Variants in PDCD6IP observed in about 807,000 individuals in gnomAD.
PDCD6IP encodes programmed cell death 6-interacting protein.
PDCD6IP carries 43 observed loss-of-function variants against 103.7 expected under a neutral mutation model. The observed-to-expected ratio is 0.41, with a 90% CI of 0.32 to 0.53. The LOEUF (loss-of-function observed/expected upper bound fraction) is 0.53, where lower values mean the gene tolerates loss of function less well. Ranked by LOEUF, PDCD6IP falls within the 20% of genes least tolerant of loss-of-function variation. PDCD6IP has a pLI of 0.16. For synonymous variants in PDCD6IP, 354 were observed against 378.7 expected, an observed-to-expected ratio of 0.93 and a Z score of 0.76; for missense variants, 871 against 1,036.7, an observed-to-expected ratio of 0.84 and a Z score of 2.20.
intron 3 of PDCD6IP, among the ~76,000 whole-genome samples, chr3:33,821,295 C>A (rs1184711699): frequency 6.6e-6 from 1 of 152,008 alleles, no homozygotes; most frequent in Admixed American, 6.6e-5. Context: ...CAGGAGTGAG[C>A]CACCATGCCC....
intron 12 of PDCD6IP, among the ~76,000 whole-genome samples, chr3:33,850,880 C>G (rs4679092): frequency 0.27 from 40,252 of 151,838 alleles, 5,650 homozygotes; most frequent in East Asian, 0.39. Context: ...GTACCCTCTT[C>G]TTTCCCTCCC....
intron 9 of PDCD6IP, among the ~76,000 whole-genome samples, chr3:33,839,820 C>G (rs2125564923): frequency 6.6e-6 from 1 of 152,330 alleles, no homozygotes; most frequent in Middle Eastern, 3.4e-3. Flanking sequence ...CAGAATCTCA[C>G]TGTGATTTAG....
chr3:33,827,248 GA>G (rs1457783029), intron 6 of PDCD6IP: 1 of 951,698 alleles, frequency 1.1e-6, no homozygotes, highest in East Asian at 1.2e-4. Flanking sequence ...GATTAATAAA[GA>G]AAACTTAAAG....
At chr3:33,822,795 A>G (rs752928313) in intron 4 of PDCD6IP, among the ~76,000 whole-genome samples, 3 of 152,120 alleles carry the variant, frequency 2.0e-5, no homozygotes, top group Non-Finnish European at 2.9e-5. Context: ...AGCTAGGACT[A>G]TAGGCATCCG....
rs141175363 is a variant in PDCD6IP at position 33,831,845 on chromosome 3, G to A, written c.834+2876G>A. Among the ~76,000 whole-genome samples, 246 of 151,990 alleles carry A rather than the reference G, an allele frequency of 1.6e-3. 1 individual carries two copies. Among genetic ancestry groups the A allele is most frequent in the African/African-American group, 5.4e-3 (223 of 41,454 alleles). On this transcript the variant is annotated intron_variant, in intron 7 of 17. Transcript: ENST00000307296. Reference sequence around the variant, plus strand: ...GTATGCTATTAATATATACAGTGTTGTGTACCTTCTTTTCTCATATAACAA... The same window carrying A: ...GTATGCTATTAATATATACAGTGTTATGTACCTTCTTTTCTCATATAACAA...
At chr3:33,825,114 G>T (rs1697087302) in intron 4 of PDCD6IP, 73 bp from the exon 5 acceptor site, 2 of 1,290,800 alleles carry the variant, frequency 1.5e-6, no homozygotes, top group South Asian at 2.6e-5. Context: ...CATTTGAAAT[G>T]ACTTTTATAT....
chr3:33,867,715 TGA>T lies in PDCD6IP; in HGVS notation c.*1193_*1194del. On this transcript the variant is annotated 3_prime_UTR_variant, in exon 18 of 18. Transcript: ENST00000307296. ...AGACATGCATCATGGAATGAGAAAA[TGA>T]GAAAGGAATGAGTTGTCTAACATCA... 1 of 152,144 alleles carries T rather than the reference TGA, an allele frequency of 6.6e-6. No homozygotes were observed. Among genetic ancestry groups the T allele is most frequent in the East Asian group, 1.9e-4 (1 of 5,194 alleles). 9.4% of individuals were successfully genotyped at this position (152,144 alleles called of 1,614,324 possible). A position where few individuals can be genotyped will look rare whatever the true frequency, so the allele number is the denominator to read the frequency against.
chr3:33,850,634 G>A (rs1412822411), intron 12 of PDCD6IP, among the ~76,000 whole-genome samples: 2 of 152,038 alleles, frequency 1.3e-5, no homozygotes, highest in Admixed American at 6.5e-5. Flanking sequence ...GCAGCATACT[G>A]TATATGCTTT....
chr3:33,841,283 C>T (rs576639268), intron 9 of PDCD6IP, among the ~76,000 whole-genome samples: 2 of 151,900 alleles, frequency 1.3e-5, no homozygotes, highest in Non-Finnish European at 2.9e-5. Context: ...CCGTCTGGGC[C>T]TCCCAAAGTG....
chr3:33,831,431 G>A (rs1697242620), intron 7 of PDCD6IP, among the ~76,000 whole-genome samples: 1 of 152,060 alleles, frequency 6.6e-6, no homozygotes, highest in African/African-American at 2.4e-5. Flanking sequence ...GATGTGTTTA[G>A]GGATGAGGGC....
At chr3:33,823,787 T>TAAATA (rs1358525702) in intron 4 of PDCD6IP, among the ~76,000 whole-genome samples, 1 of 152,074 alleles carries the variant, frequency 6.6e-6, no homozygotes, top group Non-Finnish European at 1.5e-5. Context: ...TGTCTCAAAA[T>TAAATA]AAATAAAATA....
chr3:33,824,732 A>C (rs1485646426), intron 4 of PDCD6IP, among the ~76,000 whole-genome samples: 2 of 152,264 alleles, frequency 1.3e-5, no homozygotes, highest in African/African-American at 4.8e-5. Context: ...GGCAATGGGT[A>C]GTAATGCTGT....
At chr3:33,824,369 T>G (rs1697063965) in intron 4 of PDCD6IP, among the ~76,000 whole-genome samples, 1 of 152,084 alleles carries the variant, frequency 6.6e-6, no homozygotes, top group Admixed American at 6.6e-5. Context: ...GTGATTCTCC[T>G]GCCTCAGCCT....
intron 1 of PDCD6IP, 79 bp from the exon 2 acceptor site, chr3:33,811,993 T>C: frequency 6.9e-7 from 1 of 1,453,158 alleles, no homozygotes; most frequent in Non-Finnish European, 9.1e-7. Flanking sequence ...AATTTTTGTA[T>C]CATTTTAAAC....
intron 13 of PDCD6IP, among the ~76,000 whole-genome samples, chr3:33,853,239 T>C (rs1697759568): frequency 6.6e-6 from 1 of 152,328 alleles, no homozygotes; most frequent in South Asian, 2.1e-4. Context: ...AAGTCATTTC[T>C]ATGGCTAAAA....
intron 3 of PDCD6IP, among the ~76,000 whole-genome samples, chr3:33,820,780 T>G (rs2125553109): frequency 6.6e-6 from 1 of 152,364 alleles, no homozygotes; most frequent in South Asian, 2.1e-4. Context: ...ATATACCACA[T>G]TTTGTTTATA....
chr3:33,814,144 C>CTTT (rs79094226), intron 3 of PDCD6IP, among the ~76,000 whole-genome samples: 2 of 136,238 alleles, frequency 1.5e-5, no homozygotes, highest in South Asian at 2.4e-4. Context: ...TCATTGGATT[C>CTTT]TTTTTTTTTT....
chr3:33,833,603 C>T (rs926021433), intron 7 of PDCD6IP, among the ~76,000 whole-genome samples: 2 of 152,112 alleles, frequency 1.3e-5, no homozygotes. Flanking sequence ...CTGGTTTGGG[C>T]CATCCAGTCC....
chr3:33,841,687 C>T (rs1697478452), intron 9 of PDCD6IP, among the ~76,000 whole-genome samples: 2 of 152,080 alleles, frequency 1.3e-5, no homozygotes, highest in Non-Finnish European at 2.9e-5. Flanking sequence ...ATCCTCCCGC[C>T]TCGGCCTCCC....
Sources: gnomAD v4.1 joint callset for allele counts (sites outside exome capture counted in the v4.1 genomes callset) on GRCh38, gnomAD v4.1.1 for gene constraint, MANE v1.5 for transcripts, NCBI Gene and HGNC (gene_info 2026-07-23, HGNC 2026-07-21) for gene names.